The following RANBP2 variants were observed in gnomAD, a reference collection of about 807,000 sequenced individuals.
RANBP2 encodes the protein RAN binding protein 2.
In RANBP2, 57 loss-of-function variants were observed where a neutral mutation model predicts 303.6. The ratio of observed to expected loss-of-function variants is 0.19; its 90% confidence interval spans 0.15 to 0.23. The LOEUF is 0.23. Among genes scored for constraint, RANBP2 ranks in the 10% least tolerant of loss-of-function variants. RANBP2 has a pLI of 1.00. For synonymous variants in RANBP2, 1,167 were observed against 1,301.5 expected, an observed-to-expected ratio of 0.90 and a Z score of 2.23; for missense variants, 3,138 against 3,780.8, an observed-to-expected ratio of 0.83 and a Z score of 4.46.
At chr2:109,577,190 C>A in the RANBP2 span, among the ~76,000 whole-genome samples, 2 of 152,136 alleles carry the variant, frequency 1.3e-5, no homozygotes, top group South Asian at 4.1e-4. Flanking sequence ...ACTGGCAACC[C>A]AGAATTGTAC....
chr2:109,744,323 G>A, the RANBP2 span, among the ~76,000 whole-genome samples: 1 of 91,252 alleles, frequency 1.1e-5, no homozygotes, highest in African/African-American at 2.9e-5. Context: ...ACTAGCGTGA[G>A]ATGTTTTCTC....
the RANBP2 span, among the ~76,000 whole-genome samples, chr2:109,080,215 A>T: frequency 1.3e-4 from 20 of 152,240 alleles, no homozygotes; most frequent in Admixed American, 5.2e-4. Flanking sequence ...GGAGCTGACA[A>T]CCACTCCCAC....
At chr2:109,531,164 A>G in the RANBP2 span, among the ~76,000 whole-genome samples, 1 of 152,136 alleles carries the variant, frequency 6.6e-6, no homozygotes, top group Non-Finnish European at 1.5e-5. Context: ...ATTTGGCACA[A>G]GGGCCCCTCT....
At chr2:109,704,944 G>A in the RANBP2 span, among the ~76,000 whole-genome samples, 3 of 152,132 alleles carry the variant, frequency 2.0e-5, no homozygotes, top group African/African-American at 7.2e-5. Flanking sequence ...CGTACAGGAT[G>A]CTCAAACCCC....
the RANBP2 span, among the ~76,000 whole-genome samples, chr2:109,333,215 G>T: frequency 6.6e-6 from 1 of 152,226 alleles, no homozygotes; most frequent in Non-Finnish European, 1.5e-5. Context: ...GTATCTATCA[G>T]GTTCAGGCAT....
At chr2:109,270,890 C>T in the RANBP2 span, among the ~76,000 whole-genome samples, 1 of 152,242 alleles carries the variant, frequency 6.6e-6, no homozygotes, top group African/African-American at 2.4e-5. Flanking sequence ...TGTACCGACA[C>T]TGCCTGCCTC....
chr2:109,590,682 G>A, the RANBP2 span, among the ~76,000 whole-genome samples: 1 of 152,170 alleles, frequency 6.6e-6, no homozygotes. Context: ...ACTCGTCTGG[G>A]CCTCCCAAAG....
the RANBP2 span, among the ~76,000 whole-genome samples, chr2:109,147,937 G>C: frequency 6.6e-6 from 1 of 152,212 alleles, no homozygotes; most frequent in Non-Finnish European, 1.5e-5. Flanking sequence ...TAAATGAAGA[G>C]TTTTGGGGAC....
chr2:109,223,019 T>G, the RANBP2 span, among the ~76,000 whole-genome samples: 1 of 152,226 alleles, frequency 6.6e-6, no homozygotes, highest in Non-Finnish European at 1.5e-5. Flanking sequence ...GAGGGCACTG[T>G]CCGCCCCTGT....
chr2:109,263,827 G>A, the RANBP2 span, among the ~76,000 whole-genome samples: 1 of 152,188 alleles, frequency 6.6e-6, no homozygotes, highest in Admixed American at 6.5e-5. Context: ...AATTAGCTGG[G>A]CATGGTGGCG....
chr2:109,471,399 G>A, the RANBP2 span, among the ~76,000 whole-genome samples: 1 of 152,124 alleles, frequency 6.6e-6, no homozygotes, highest in African/African-American at 2.4e-5. Flanking sequence ...GAAGGGGGAA[G>A]AATCCTCATA....
At chr2:109,163,734 A>G in the RANBP2 span, among the ~76,000 whole-genome samples, 1 of 152,118 alleles carries the variant, frequency 6.6e-6, no homozygotes, top group African/African-American at 2.4e-5. Context: ...TCACGATTCC[A>G]CAGTGAGTAA....
At chr2:109,462,979 A>T in the RANBP2 span, among the ~76,000 whole-genome samples, 18 of 152,194 alleles carry the variant, frequency 1.2e-4, no homozygotes, top group Non-Finnish European at 2.9e-5. Flanking sequence ...TCACCCTGTT[A>T]AGGTAGATCC....
At chr2:109,544,430 T>C in the RANBP2 span, 1 of 1,420,884 alleles carries the variant, frequency 7.0e-7, no homozygotes, top group Non-Finnish European at 9.2e-7. Flanking sequence ...CATGGGACTT[T>C]GAAAAAGAAA....
At chr2:109,691,329 C>G in the RANBP2 span, among the ~76,000 whole-genome samples, 1 of 152,094 alleles carries the variant, frequency 6.6e-6, no homozygotes, top group African/African-American at 2.4e-5. Context: ...AACGTGGGGA[C>G]ATGCGGACAG....
chr2:109,073,980 A>G, the RANBP2 span, among the ~76,000 whole-genome samples: 1 of 150,876 alleles, frequency 6.6e-6, no homozygotes, highest in African/African-American at 2.4e-5. Context: ...ACAGCACAAC[A>G]AAAACAGGCA....
the RANBP2 span, among the ~76,000 whole-genome samples, chr2:109,665,971 TGTG>T: frequency 9.3e-5 from 14 of 151,300 alleles, no homozygotes; most frequent in African/African-American, 3.4e-4. Flanking sequence ...ATTAGCTGGG[TGTG>T]GTGGTGGGTG....
intron 6 of RANBP2, among the ~76,000 whole-genome samples, chr2:108,738,724 G>A (rs1695829899): frequency 1.3e-5 from 2 of 150,588 alleles, no homozygotes; most frequent in African/African-American, 2.4e-5. Context: ...TGCTTCCCAG[G>A]TTCAAGCAAT....
At chr2:109,552,966 G>T in the RANBP2 span, 1 of 1,104,482 alleles carries the variant, frequency 9.1e-7, no homozygotes, top group Non-Finnish European at 1.3e-6. Context: ...TGTTGGAAAA[G>T]CTACTCTTTA....
Sources: allele counts gnomAD v4.1 joint callset (sites outside exome capture counted in the v4.1 genomes callset), GRCh38; gene constraint gnomAD v4.1.1; transcripts MANE v1.5; gene names NCBI Gene and HGNC (gene_info 2026-07-23, HGNC 2026-07-21).